Variants in LMO7 observed in about 807,000 individuals in gnomAD.
The protein encoded by LMO7 is LIM domain 7.
A neutral mutation model predicts 206.5 loss-of-function variants in LMO7; 120 were observed. That is an observed-to-expected ratio of 0.58 (90% CI 0.50 to 0.68). The LOEUF (loss-of-function observed/expected upper bound fraction) is 0.68. LMO7 is among the 30% of genes least tolerant of loss of function. The pLI is 0.00. For synonymous variants in LMO7, 706 were observed against 681.5 expected, an observed-to-expected ratio of 1.04 and a Z score of -0.56; for missense variants, 1,959 against 1,957.9, an observed-to-expected ratio of 1.00 and a Z score of -0.01.
At chr13:75,743,109 A>G (rs1193688439) in intron 3 of LMO7, among the ~76,000 whole-genome samples, 3 of 152,244 alleles carry the variant, frequency 2.0e-5, no homozygotes, top group Non-Finnish European at 4.4e-5. Context: ...CAATAGGCAT[A>G]TGAAAAAAAA....
chr13:75,713,632 T>A (rs1191905600), intron 2 of LMO7, among the ~76,000 whole-genome samples: 1 of 152,170 alleles, frequency 6.6e-6, no homozygotes, highest in African/African-American at 2.4e-5. Context: ...ACACAAAATC[T>A]TTGCTTCATC....
At chr13:75,707,282 A>G (rs867151519) in intron 1 of LMO7, among the ~76,000 whole-genome samples, 1 of 151,988 alleles carries the variant, frequency 6.6e-6, no homozygotes, top group African/African-American at 2.4e-5. Context: ...CTTATGATAC[A>G]TTCTTATAGA....
In LMO7 at chr13:75,838,133, C is replaced by A; in HGVS notation, c.3395-7C>A. 3 of 1,530,228 alleles carry A rather than the reference C, an allele frequency of 2.0e-6. No homozygotes were observed. Among genetic ancestry groups the A allele is most frequent in the Non-Finnish European group, 2.7e-6 (3 of 1,110,448 alleles). The allele number at this position is 1,530,228 out of a possible 1,614,324, so 94.8% of individuals were successfully genotyped here. A position where few individuals can be genotyped will look rare whatever the true frequency, so the allele number is the denominator to read the frequency against. Reference sequence around the variant, plus strand: ...AATGACATAGTGTTTATTTTTTTTTCAACTAGCATCTGAATCCATTTCTTT... The same window carrying A: ...AATGACATAGTGTTTATTTTTTTTTAAACTAGCATCTGAATCCATTTCTTT... On this transcript the variant is annotated splice_region_variant and splice_polypyrimidine_tract_variant and intron_variant, in intron 19 of 30. Coordinates refer to ENST00000377534, the MANE Select transcript of LMO7 (RefSeq NM_001306080.2).
At chr13:75,824,678 G>A in intron 15 of LMO7, among the ~76,000 whole-genome samples, 1 of 152,100 alleles carries the variant, frequency 6.6e-6, no homozygotes, top group Non-Finnish European at 1.5e-5. Context: ...ATAGTTGTAT[G>A]AACCCCTTAG....
At chr13:75,663,408 TTTTC>T (rs61405381) in intron 1 of LMO7, among the ~76,000 whole-genome samples, 43 of 116,268 alleles carry the variant, frequency 3.7e-4, no homozygotes, top group South Asian at 1.1e-3. Context: ...GTGAATTCTT[TTTTC>T]TTTCTTTCTT....
chr13:75,734,737 C>T (rs920416921), intron 3 of LMO7, among the ~76,000 whole-genome samples: 2 of 152,124 alleles, frequency 1.3e-5, no homozygotes, highest in African/African-American at 4.8e-5. Context: ...TAATTCCTTC[C>T]TTCCTACCAA....
intron 19 of LMO7, 54 bp downstream of exon 19, chr13:75,836,511 C>G: frequency 3.3e-6 from 3 of 899,240 alleles, no homozygotes; most frequent in Non-Finnish European, 5.1e-6. Flanking sequence ...ACATAGCACT[C>G]AAGTTCTGCT....
In LMO7 at chr13:75,859,230, G is replaced by A. The variant is rs1488243937; in HGVS notation, c.*1287G>A. On this transcript the variant is annotated 3_prime_UTR_variant, in exon 31 of 31. Coordinates refer to ENST00000377534, the MANE Select transcript of LMO7 (RefSeq NM_001306080.2). ...AATAGGTTCAAAATATGTAAGAAAT[G>A]CTAATGTGGGAGATAAAAATTTTAT... 6.6e-6 allele frequency: 1 copy of A among 152,146 alleles called. No homozygotes were observed. Among genetic ancestry groups the A allele is most frequent in the African/African-American group, 2.4e-5 (1 of 41,440 alleles). 9.4% of individuals were successfully genotyped at this position (152,146 alleles called of 1,614,324 possible). A position where few individuals can be genotyped will look rare whatever the true frequency, so the allele number is the denominator to read the frequency against.
chr13:75,621,937 G>A (rs2033351136), intron 1 of LMO7: 9 of 1,230,530 alleles, frequency 7.3e-6, no homozygotes, highest in Non-Finnish European at 9.7e-6. Context: ...ATCTCCATTT[G>A]GCTTTTCTTT....
chr13:75,650,295 A>C (rs2037430032), intron 1 of LMO7, among the ~76,000 whole-genome samples: 1 of 151,730 alleles, frequency 6.6e-6, no homozygotes, highest in Non-Finnish European at 1.5e-5. Context: ...ATGCCTAGCT[A>C]ATTTTTGTAT....
intron 30 of LMO7, 102 bp from the exon 31 acceptor site, chr13:75,857,819 C>T: frequency 1.5e-6 from 1 of 687,554 alleles, no homozygotes; most frequent in South Asian, 2.2e-5. Context: ...CTTTCTACCT[C>T]ATTGGGCCAC....
At chr13:75,719,009 C>T (rs2043796942) in intron 2 of LMO7, among the ~76,000 whole-genome samples, 1 of 147,830 alleles carries the variant, frequency 6.8e-6, no homozygotes, top group Non-Finnish European at 1.5e-5. Flanking sequence ...GATGGAGTCT[C>T]ACTCTTGTCC....
At chr13:75,836,491 AC>A in intron 19 of LMO7, 34 bp downstream of exon 19, 1 of 1,066,254 alleles carries the variant, frequency 9.4e-7, no homozygotes, top group Non-Finnish European at 1.4e-6. Flanking sequence ...CATTTATAAT[AC>A]AGGAAAAGAC....
intron 3 of LMO7, among the ~76,000 whole-genome samples, chr13:75,737,782 T>TTAAAA (rs760406624): frequency 1.7e-4 from 6 of 36,342 alleles, no homozygotes; most frequent in Non-Finnish European, 2.4e-4. Flanking sequence ...TAAAATAAAA[T>TTAAAA]AAAAAAAAAA....
chr13:75,788,490 CAGA>C (rs1457285352), intron 4 of LMO7, among the ~76,000 whole-genome samples: 1 of 150,356 alleles, frequency 6.7e-6, no homozygotes, highest in South Asian at 2.1e-4. Context: ...GCTCTGTCCT[CAGA>C]AGAACTTCTG....
At chr13:75,661,871 C>CT (rs770722624) in intron 1 of LMO7, among the ~76,000 whole-genome samples, 42 of 152,124 alleles carry the variant, frequency 2.8e-4, no homozygotes, top group Admixed American at 5.2e-4. Flanking sequence ...TTTAGGGTTA[C>CT]TTTTTTACAG....
chr13:75,727,042 C>G lies in LMO7; in HGVS notation c.154C>G (p.Leu52Val). Residue 52 changes from leucine (L) to valine (V), a missense_variant, in exon 3 of 31, where the codon CTT becomes GTT. Coordinates refer to ENST00000377534, the MANE Select transcript of LMO7 (RefSeq NM_001306080.2). Reference protein sequence around the residue: ...GVLLCDLINKLKPGVIKKINR... With the variant: ...GVLLCDLINKVKPGVIKKINR... ...ATTTACTTTCAGTTTGATTAATAAG[C>G]TTAAACCTGGCGTCATTAAGAAGAT... The G allele has an allele frequency of 6.3e-7, 1 of 1,581,042 alleles. No individual in the cohort carries two copies. Among genetic ancestry groups the G allele is most frequent in the South Asian group, 1.1e-5 (1 of 90,062 alleles).
intron 11 of LMO7, among the ~76,000 whole-genome samples, chr13:75,809,466 C>A (rs2056010042): frequency 6.6e-6 from 1 of 152,146 alleles, no homozygotes; most frequent in Admixed American, 6.5e-5. Flanking sequence ...GTCACAAAAG[C>A]ACTTGCCTAA....
At chr13:75,849,967 C>T (rs1200541439) in intron 27 of LMO7, among the ~76,000 whole-genome samples, 1 of 151,822 alleles carries the variant, frequency 6.6e-6, no homozygotes, top group Non-Finnish European at 1.5e-5. Context: ...TTATCCCTAC[C>T]AACTCTATAA....
Sources: gnomAD v4.1 joint callset for allele counts (sites outside exome capture counted in the v4.1 genomes callset) on GRCh38, gnomAD v4.1.1 for gene constraint, MANE v1.5 for transcripts, NCBI Gene and HGNC (gene_info 2026-07-23, HGNC 2026-07-21) for gene names.